The following C8A variants were observed in gnomAD, a reference collection of about 807,000 sequenced individuals.
C8A encodes complement component C8 alpha chain.
Under a neutral mutation model 65.3 loss-of-function variants are expected in C8A, and 67 were observed. The observed-to-expected ratio is 1.03, with a 90% confidence interval of 0.84 to 1.26. The LOEUF (loss-of-function observed/expected upper bound fraction) is 1.26. Among genes scored for constraint, C8A ranks in the 50% most tolerant of loss-of-function variants. C8A has a pLI of 0.00. For missense variants in C8A, 781 were observed against 723.9 expected (o/e 1.08, Z -0.90); for synonymous variants, 290 against 259.4 (o/e 1.12, Z -1.13).
intron 1 of C8A, among the ~76,000 whole-genome samples, chr1:56,866,125 C>T (rs1436599681): frequency 6.6e-6 from 1 of 152,126 alleles, no homozygotes; most frequent in East Asian, 1.9e-4. Flanking sequence ...AACACTCCTC[C>T]CCGTTTCAAC....
At position 56,912,418 on chromosome 1, in the gene C8A, G is replaced by T. The variant is rs754227627; in HGVS notation, c.1396G>T (p.Glu466Ter). The change falls in exon 10 of 11, where the codon GAG (glutamate) becomes TAG (stop). Residue 466 changes from glutamate to a stop codon, truncating the protein, a stop_gained. Coordinates refer to ENST00000361249, the MANE Select transcript of C8A (RefSeq NM_000562.3). LOFTEE classifies it high-confidence loss of function. The stretch of plus-strand genomic sequence containing the variant: ...GTGCCCACAGATGCAGCCTATCCAC[G>T]AGGTGCTGCGGCACACAAGCCTGGG... ...VIDFEMQPIH[E>*]VLRHTSLGPL... 5.6e-6 allele frequency: 9 copies of T among 1,614,024 alleles called. No homozygotes were observed. In the Admixed American group the frequency reaches 1.2e-4, roughly 21 times the overall value.
chr1:56,878,695 T>C (rs1268942418), intron 4 of C8A, among the ~76,000 whole-genome samples: 1 of 152,158 alleles, frequency 6.6e-6, no homozygotes, highest in Non-Finnish European at 1.5e-5. Flanking sequence ...ATGTTTGAAA[T>C]AAAAATTGAC....
chr1:56,855,045 T>A, intron 1 of C8A, 67 bp downstream of exon 1: 6 of 1,174,606 alleles, frequency 5.1e-6, no homozygotes, highest in Non-Finnish European at 7.6e-6. Context: ...CTAAGACACT[T>A]TTATGTTTGC....
In C8A at chr1:56,906,790, C is replaced by T. The variant is rs706479; in HGVS notation, c.1220C>T (p.Thr407Ile). ...TGTAAAAAATTTGGAGGTGGCAAAACTGGCAAGTGTTTAGTAATAGATCTC... is the reference window on the plus strand; with the variant it reads ...TGTAAAAAATTTGGAGGTGGCAAAATTGGCAAGTGTTTAGTAATAGATCTC... ...DHCKKFGGGKTERARKAMAVE... is the reference protein window; with the variant it reads ...DHCKKFGGGKIERARKAMAVE... Residue 407 changes from threonine (T) to isoleucine (I), a missense_variant and splice_region_variant, in exon 8 of 11, where the codon ACT becomes ATT. Thr to Ile is a moderately conservative substitution (Grantham distance 89). Transcript: ENST00000361249. 4,063 of 1,614,020 alleles carry T rather than the reference C, an allele frequency of 2.5e-3. 96 individuals carry two copies. In the African/African-American group the frequency reaches 0.048, roughly 19 times the overall value.
intron 8 of C8A, 80 bp downstream of exon 8, chr1:56,906,872 T>G (rs1026964596): frequency 6.4e-7 from 1 of 1,560,006 alleles, no homozygotes; most frequent in African/African-American, 1.4e-5. Context: ...GAAGCTATTT[T>G]TTTTCCCAGT....
chr1:56,911,583 G>C (rs1484167680), intron 9 of C8A, among the ~76,000 whole-genome samples: 4 of 152,224 alleles, frequency 2.6e-5, no homozygotes, highest in African/African-American at 9.6e-5. Context: ...GAAGGGGGCT[G>C]CTGGCATGTA....
Position 56,875,972 on chromosome 1 carries a change from A to T in C8A, c.317-90A>T, listed in dbSNP as rs115390037. 7.0e-4 allele frequency: 1,063 copies of T among 1,514,338 alleles called. 7 individuals are homozygous for T. In the African/African-American group the frequency reaches 0.013, roughly 19 times the overall value. The allele number at this position is 1,514,338 out of a possible 1,614,324, so 93.8% of individuals were successfully genotyped here. On this transcript the variant is annotated intron_variant, in intron 3 of 10. Coordinates refer to ENST00000361249, the MANE Select transcript of C8A (RefSeq NM_000562.3). ...AGAGAATGGGACAGATGGGAGGTTT[A>T]TTTCTGAGGAAGAAAGGACTTACTG...
At chr1:56,876,499 A>G (rs1194010095) in intron 4 of C8A, among the ~76,000 whole-genome samples, 1 of 151,916 alleles carries the variant, frequency 6.6e-6, no homozygotes, top group Non-Finnish European at 1.5e-5. Context: ...AAGAAGCCAC[A>G]GCTTCCATGA....
intron 4 of C8A, among the ~76,000 whole-genome samples, chr1:56,877,520 A>G (rs570034668): frequency 5.1e-4 from 78 of 152,238 alleles, no homozygotes; most frequent in Non-Finnish European, 9.0e-4. Context: ...TTAGCTCAGA[A>G]TGACGTTCCA....
intron 9 of C8A, among the ~76,000 whole-genome samples, chr1:56,911,065 GTTT>G (rs11325191): frequency 5.1e-4 from 72 of 141,878 alleles, no homozygotes; most frequent in African/African-American, 1.8e-3. Flanking sequence ...AAAAACATGG[GTTT>G]TTTTTTTTTT....
In C8A at chr1:56,917,699, C is replaced by T; in HGVS notation, c.1738C>T (p.Gln580Ter). 1 of 1,614,160 alleles carries T rather than the reference C, an allele frequency of 6.2e-7. No homozygotes were observed. Among genetic ancestry groups the T allele is most frequent in the Non-Finnish European group, 8.5e-7 (1 of 1,180,032 alleles). ...GGCCTCGTGTCCAGGGCGGAAAGTA[C>T]AGACGCAGGCTTGCTGAGGGCCTCT... ...GGASCPGRKV[Q>*]TQAC Residue 580 changes from glutamine to a stop codon, truncating the protein, a stop_gained, in exon 11 of 11, where the codon CAG becomes TAG. Transcript: ENST00000361249. LOFTEE classifies it high-confidence loss of function.
intron 1 of C8A, among the ~76,000 whole-genome samples, chr1:56,855,994 T>G (rs1273005235): frequency 6.6e-6 from 1 of 152,178 alleles, no homozygotes. Context: ...CGCCGAGATA[T>G]TCTTAATTAT....
intron 8 of C8A, among the ~76,000 whole-genome samples, chr1:56,907,327 A>G (rs1044608288): frequency 6.6e-6 from 1 of 152,180 alleles, no homozygotes; most frequent in Non-Finnish European, 1.5e-5. Flanking sequence ...AGGGATGATG[A>G]AGAAGTTTAT....
At chr1:56,870,520 T>C (rs947415300) in intron 2 of C8A, among the ~76,000 whole-genome samples, 2 of 152,086 alleles carry the variant, frequency 1.3e-5, no homozygotes, top group Non-Finnish European at 2.9e-5. Context: ...TGACACTTAG[T>C]GCTATCCAGA....
At chr1:56,890,925 A>G (rs1264314900) in intron 7 of C8A, among the ~76,000 whole-genome samples, 12 of 152,154 alleles carry the variant, frequency 7.9e-5, no homozygotes, top group African/African-American at 2.4e-5. Context: ...TTTATTGTCA[A>G]TCTCCTGTTT....
rs184240619 is a variant in C8A, at chr1:56,854,987, G to T, written c.77+9G>T. 1 of 1,609,680 alleles carries T rather than the reference G, an allele frequency of 6.2e-7. No homozygotes were observed. Among genetic ancestry groups the T allele is most frequent in the East Asian group, 2.2e-5 (1 of 44,844 alleles). ...CAGGAGAAGGTGAACCAGTAAGTGG[G>T]CCATATGTCTCTGCAAAACTTGCAC... On this transcript the variant is annotated intron_variant, in intron 1 of 10. Coordinates refer to ENST00000361249, the MANE Select transcript of C8A (RefSeq NM_000562.3).
chr1:56,892,105 T>C (rs1644350929), intron 7 of C8A, among the ~76,000 whole-genome samples: 1 of 152,078 alleles, frequency 6.6e-6, no homozygotes, highest in African/African-American at 2.4e-5. Flanking sequence ...TAGAGTCTTC[T>C]TTCTTCTCCA....
chr1:56,864,706 G>C (rs1644067928), intron 1 of C8A, among the ~76,000 whole-genome samples: 1 of 152,132 alleles, frequency 6.6e-6, no homozygotes. Context: ...GATGTAGGGG[G>C]AATATTGTGA....
intron 6 of C8A, among the ~76,000 whole-genome samples, chr1:56,883,953 G>A (rs975632722): frequency 6.6e-6 from 1 of 151,666 alleles, no homozygotes; most frequent in South Asian, 2.1e-4. Context: ...GAGCATATAG[G>A]GAAATGTGTA....
Sources: allele counts gnomAD v4.1 joint callset (sites outside exome capture counted in the v4.1 genomes callset), GRCh38; gene constraint gnomAD v4.1.1; transcripts MANE v1.5; gene names NCBI Gene and HGNC (gene_info 2026-07-23, HGNC 2026-07-21).